SLC24A2: variants seen among roughly 807,000 people sequenced by gnomAD.
SLC24A2 encodes sodium/potassium/calcium exchanger 2.
SLC24A2 carries 36 observed loss-of-function variants against 62.0 expected under a neutral mutation model. The observed-to-expected ratio is 0.58, with a 90% confidence interval of 0.44 to 0.77. The LOEUF is 0.77. Ranked by LOEUF, SLC24A2 falls within the 30% of genes least tolerant of loss-of-function variation. SLC24A2 has a pLI of 0.00. For synonymous variants in SLC24A2, 358 were observed against 294.0 expected, an observed-to-expected ratio of 1.22 and a Z score of -2.23; for missense variants, 846 against 817.9, an observed-to-expected ratio of 1.03 and a Z score of -0.42.
At chr9:20,302,213 T>A in the SLC24A2 span, among the ~76,000 whole-genome samples, 16 of 152,348 alleles carry the variant, frequency 1.1e-4, no homozygotes, top group African/African-American at 3.8e-4. Flanking sequence ...TAGGTTTTTG[T>A]ACAATTTTCA....
chr9:19,864,516 T>C, the SLC24A2 span, among the ~76,000 whole-genome samples: 1 of 152,044 alleles, frequency 6.6e-6, no homozygotes, highest in Non-Finnish European at 1.5e-5. Flanking sequence ...TTTATCCCTG[T>C]AAAGCAAGGA....
chr9:19,728,619 A>G (rs1821244565), intron 2 of SLC24A2, among the ~76,000 whole-genome samples: 1 of 152,192 alleles, frequency 6.6e-6, no homozygotes, highest in Non-Finnish European at 1.5e-5. Flanking sequence ...ACAGGCATGT[A>G]TAATTTTCAA....
At chr9:19,658,278 T>TA (rs1452441849) in intron 2 of SLC24A2, among the ~76,000 whole-genome samples, 2 of 158 alleles carry the variant, frequency 0.013, no homozygotes, top group Admixed American at 0.056. Flanking sequence ...ACCAGGTTGA[T>TA]AAGTGGTGGT....
chr9:19,907,564 A>G, the SLC24A2 span, among the ~76,000 whole-genome samples: 1 of 152,218 alleles, frequency 6.6e-6, no homozygotes, highest in Non-Finnish European at 1.5e-5. Flanking sequence ...ACATGATTGT[A>G]TATCTAGAAA....
chr9:19,521,439 G>T (rs994827675), intron 9 of SLC24A2, among the ~76,000 whole-genome samples: 15 of 152,220 alleles, frequency 9.9e-5, no homozygotes, highest in African/African-American at 3.4e-4. Flanking sequence ...TCCTGTGGAA[G>T]ATTTGCCCTT....
the SLC24A2 span, among the ~76,000 whole-genome samples, chr9:20,255,511 C>T: frequency 6.6e-6 from 1 of 152,184 alleles, no homozygotes; most frequent in African/African-American, 2.4e-5. Context: ...TCATCTGGAG[C>T]AGCTCATCTG....
chr9:19,825,158 A>T, the SLC24A2 span, among the ~76,000 whole-genome samples: 1 of 152,218 alleles, frequency 6.6e-6, no homozygotes, highest in Non-Finnish European at 1.5e-5. Flanking sequence ...CATGTTCTGC[A>T]CATGTACCCC....
chr9:19,754,575 A>G (rs1378968589), intron 2 of SLC24A2, among the ~76,000 whole-genome samples: 5 of 151,850 alleles, frequency 3.3e-5, no homozygotes, highest in African/African-American at 9.7e-5. Context: ...GACACTCTCA[A>G]GCTGGATTTA....
the SLC24A2 span, among the ~76,000 whole-genome samples, chr9:19,998,632 G>T: frequency 6.6e-6 from 1 of 152,174 alleles, no homozygotes; most frequent in Admixed American, 6.5e-5. Context: ...CCATCCCTTT[G>T]TGTGCTCCCA....
chr9:20,151,198 C>T, the SLC24A2 span, among the ~76,000 whole-genome samples: 1 of 152,040 alleles, frequency 6.6e-6, no homozygotes, highest in Admixed American at 6.6e-5. Context: ...AAGAATGGGC[C>T]TTCCCCTCTT....
chr9:20,071,817 C>G, the SLC24A2 span, among the ~76,000 whole-genome samples: 14 of 152,176 alleles, frequency 9.2e-5, no homozygotes, highest in South Asian at 2.9e-3. Context: ...GAACTTCTGA[C>G]CAATAGTCTT....
chr9:20,140,384 G>C, the SLC24A2 span, among the ~76,000 whole-genome samples: 1 of 152,108 alleles, frequency 6.6e-6, no homozygotes, highest in Non-Finnish European at 1.5e-5. Context: ...GTAGATTTGG[G>C]TGCCTGCTGC....
At chr9:19,958,678 A>C in the SLC24A2 span, among the ~76,000 whole-genome samples, 1 of 152,134 alleles carries the variant, frequency 6.6e-6, no homozygotes, top group African/African-American at 2.4e-5. Flanking sequence ...TGCTCTGTCT[A>C]TTTCATGGGG....
the SLC24A2 span, among the ~76,000 whole-genome samples, chr9:20,238,305 T>C: frequency 6.6e-5 from 10 of 152,300 alleles, no homozygotes; most frequent in African/African-American, 2.2e-4. Flanking sequence ...TTATGCATGA[T>C]CAGGCACCTT....
rs1823149574 is a variant in SLC24A2 at position 19,785,902 on chromosome 9, A to G, written c.930+35T>C. 1.9e-6 allele frequency: 3 copies of G among 1,614,116 alleles called. No homozygotes were observed. The East Asian group carries it at 6.7e-5, about 36-fold the overall frequency. ...ACATAATAATTCAGAACCGTAGTCA[A>G]GAAAAGCATTAAATAAAAATCCACC... On this transcript the variant is annotated intron_variant, in intron 2 of 10. Transcript: ENST00000341998.
chr9:20,032,102 C>T, the SLC24A2 span, among the ~76,000 whole-genome samples: 1 of 152,140 alleles, frequency 6.6e-6, no homozygotes, highest in Non-Finnish European at 1.5e-5. Context: ...CTGATCTATA[C>T]CTTGAACAGC....
the SLC24A2 span, among the ~76,000 whole-genome samples, chr9:20,187,969 A>C: frequency 6.8e-4 from 104 of 152,308 alleles, no homozygotes; most frequent in Non-Finnish European, 1.3e-3. Flanking sequence ...GCAGATCCTC[A>C]GGAGGTGGGA....
the SLC24A2 span, among the ~76,000 whole-genome samples, chr9:19,933,526 C>T: frequency 2.6e-5 from 4 of 152,112 alleles, no homozygotes; most frequent in Non-Finnish European, 4.4e-5. Flanking sequence ...TGTCAAAGAA[C>T]GCGCCGGGGG....
intron 1 of SLC24A2, among the ~76,000 whole-genome samples, chr9:19,788,079 G>C (rs1587329123): frequency 1.3e-5 from 2 of 152,158 alleles, no homozygotes; most frequent in East Asian, 3.8e-4. Context: ...GGAGGCAGTC[G>C]CTGAGATAAT....
Sources: gnomAD v4.1 joint callset for allele counts (sites outside exome capture counted in the v4.1 genomes callset) on GRCh38, gnomAD v4.1.1 for gene constraint, MANE v1.5 for transcripts, NCBI Gene and HGNC (gene_info 2026-07-23, HGNC 2026-07-21) for gene names.